Variants in SHQ1 observed in about 807,000 individuals in gnomAD.
SHQ1 encodes protein SHQ1 homolog.
SHQ1 carries 49 observed loss-of-function variants against 53.8 expected under a neutral mutation model. The observed-to-expected ratio is 0.91, with a 90% CI of 0.72 to 1.16. The LOEUF is 1.16. Ranked by LOEUF, SHQ1 falls within the 50% of genes most tolerant of loss-of-function variation. SHQ1 has a pLI of 0.00. For synonymous variants in SHQ1, 243 were observed against 251.0 expected (o/e 0.97, Z 0.30); for missense variants, 738 against 683.1 (o/e 1.08, Z -0.90).
In SHQ1 at chr3:72,803,078, G is replaced by C. The variant is rs910541624; in HGVS notation, c.1060+9593C>G. On this transcript the variant is annotated intron_variant, in intron 9 of 10. Coordinates refer to ENST00000325599, the MANE Select transcript of SHQ1 (RefSeq NM_018130.3). ...AGCTAAAACTGGCAGGTCCAAGAGGGTATGAGAAAGACACGCTGGCACTTA... is the reference window on the plus strand; with the variant it reads ...AGCTAAAACTGGCAGGTCCAAGAGGCTATGAGAAAGACACGCTGGCACTTA... Among the ~76,000 whole-genome samples the C allele has an allele frequency of 7.2e-5, 11 of 152,284 alleles. No homozygotes were observed. The East Asian group carries it at 7.7e-4, about 11-fold the overall frequency.
intron 2 of SHQ1, among the ~76,000 whole-genome samples, chr3:72,843,301 T>C (rs1708232592): frequency 6.6e-6 from 1 of 152,092 alleles, no homozygotes; most frequent in South Asian, 2.1e-4. Context: ...GGCAACAGTT[T>C]TAAAAATACA....
the SHQ1 span, among the ~76,000 whole-genome samples, chr3:72,725,381 T>G: frequency 6.6e-6 from 1 of 152,128 alleles, no homozygotes; most frequent in East Asian, 1.9e-4. Flanking sequence ...TTCTCTGAGC[T>G]CCCATGCAGC....
intron 10 of SHQ1, among the ~76,000 whole-genome samples, chr3:72,771,110 C>T (rs907548172): frequency 1.3e-5 from 2 of 152,154 alleles, no homozygotes; most frequent in Non-Finnish European, 2.9e-5. Context: ...AAAGTTCTGA[C>T]CTCAGCCTTC....
rs531660344 is a variant in SHQ1, at chr3:72,774,056, T to C, written c.1181+18860A>G. Among the ~76,000 whole-genome samples the C allele has an allele frequency of 3.2e-4, 49 of 152,302 alleles. No homozygotes were observed. In the South Asian group the frequency reaches 9.9e-3, roughly 31 times the overall value. Reference sequence around the variant, plus strand: ...AGGCCAATACTAATCAAAAGAAAGCTGGGATAGCCATATTACTATCAGACA... The same window carrying C: ...AGGCCAATACTAATCAAAAGAAAGCCGGGATAGCCATATTACTATCAGACA... On this transcript the variant is annotated intron_variant, in intron 10 of 10. Transcript: ENST00000325599.
chr3:72,792,980 C>A lies in SHQ1; in HGVS notation c.1117G>T (p.Asp373Tyr). Residue 373 changes from aspartate (D) to tyrosine (Y), a missense_variant, in exon 10 of 11, where the codon GAC becomes TAC. Asp to Tyr is a radical substitution (Grantham distance 160). Transcript: ENST00000325599. Reference sequence around the variant, plus strand: ...AGATCATTCAGTATGTACGCTGGGTCATTTTCCTGAAAAATTTTGTGAATA... The same window carrying A: ...AGATCATTCAGTATGTACGCTGGGTAATTTTCCTGAAAAATTTTGTGAATA... ...LDIHKIFQEN[D>Y]PAYILNDLYI... 2 of 1,612,060 alleles carry A rather than the reference C, an allele frequency of 1.2e-6. No individual in the cohort carries two copies. The highest frequency in any genetic ancestry group is 1.1e-5 in the South Asian group (1 of 90,890).
chr3:72,788,498 T>TA (rs1706322916), intron 10 of SHQ1, among the ~76,000 whole-genome samples: 1 of 148,178 alleles, frequency 6.7e-6, no homozygotes, highest in Non-Finnish European at 1.5e-5. Context: ...GTCCGGGAGG[T>TA]AGGGGGGGCG....
the SHQ1 span, among the ~76,000 whole-genome samples, chr3:72,735,245 C>T: frequency 2.0e-5 from 3 of 151,408 alleles, no homozygotes; most frequent in Non-Finnish European, 4.4e-5. Flanking sequence ...AAAACACCTA[C>T]CATTTGTTTA....
chr3:72,806,748 TC>T (rs1280589112), intron 9 of SHQ1, among the ~76,000 whole-genome samples: 1 of 152,142 alleles, frequency 6.6e-6, no homozygotes. Flanking sequence ...TTTACAACAT[TC>T]CCTCCATCCT....
At chr3:72,813,614 A>G (rs1707200767) in intron 8 of SHQ1, among the ~76,000 whole-genome samples, 1 of 151,722 alleles carries the variant, frequency 6.6e-6, no homozygotes, top group African/African-American at 2.4e-5. Flanking sequence ...CTACAAAATT[A>G]GCCGGGCGTG....
intron 4 of SHQ1, among the ~76,000 whole-genome samples, chr3:72,833,204 G>A (rs949969261): frequency 6.6e-6 from 1 of 152,146 alleles, no homozygotes; most frequent in Non-Finnish European, 1.5e-5. Flanking sequence ...CACTTTGGGA[G>A]GCCAAGGCAG....
intron 10 of SHQ1, chr3:72,772,833 G>C (rs902840153): frequency 1.2e-5 from 9 of 770,014 alleles, no homozygotes; most frequent in Non-Finnish European, 1.7e-5. Context: ...AGAAGAATGA[G>C]CCTATATCTA....
At chr3:72,844,902 G>C (rs193228560) in intron 1 of SHQ1, among the ~76,000 whole-genome samples, 3 of 152,266 alleles carry the variant, frequency 2.0e-5, no homozygotes, top group Admixed American at 6.5e-5. Flanking sequence ...CTGGCTATAT[G>C]TATAAGGTGT....
intron 6 of SHQ1, among the ~76,000 whole-genome samples, chr3:72,818,433 T>TA (rs988742494): frequency 3.3e-5 from 5 of 152,174 alleles, no homozygotes. Context: ...TTGACTGGGT[T>TA]AAAAAAGTAT....
intron 10 of SHQ1, among the ~76,000 whole-genome samples, chr3:72,767,444 C>G (rs1008261967): frequency 6.6e-6 from 1 of 152,202 alleles, no homozygotes; most frequent in Non-Finnish European, 1.5e-5. Flanking sequence ...ACTGGAGAAT[C>G]TGTCCTATAT....
At chr3:72,807,938 C>T (rs1319666093) in intron 9 of SHQ1, among the ~76,000 whole-genome samples, 1 of 152,168 alleles carries the variant, frequency 6.6e-6, no homozygotes, top group Non-Finnish European at 1.5e-5. Flanking sequence ...AACTAAACTC[C>T]TGAAGGCTGT....
At chr3:72,792,038 T>C (rs994338855) in intron 10 of SHQ1, among the ~76,000 whole-genome samples, 2 of 152,238 alleles carry the variant, frequency 1.3e-5, no homozygotes, top group Non-Finnish European at 2.9e-5. Flanking sequence ...ATATACCAAG[T>C]GCTGGAGCTC....
intron 9 of SHQ1, among the ~76,000 whole-genome samples, chr3:72,808,792 T>C: frequency 6.6e-6 from 1 of 152,172 alleles, no homozygotes; most frequent in East Asian, 1.9e-4. Context: ...CTGACTCTTT[T>C]CTAATGAGGC....
At chr3:72,726,305 T>A in the SHQ1 span, among the ~76,000 whole-genome samples, 1 of 151,888 alleles carries the variant, frequency 6.6e-6, no homozygotes, top group African/African-American at 2.4e-5. Flanking sequence ...CGTCCTCACT[T>A]CTTGGGCAGG....
the SHQ1 span, among the ~76,000 whole-genome samples, chr3:72,739,351 G>T: frequency 6.6e-6 from 1 of 151,366 alleles, no homozygotes; most frequent in South Asian, 2.1e-4. Context: ...AAGGAAATCC[G>T]ACTGGAGGGA....
Sources: allele counts gnomAD v4.1 joint callset (sites outside exome capture counted in the v4.1 genomes callset), GRCh38; gene constraint gnomAD v4.1.1; transcripts MANE v1.5; gene names NCBI Gene and HGNC (gene_info 2026-07-23, HGNC 2026-07-21).